Variants in GRIN2A observed in about 807,000 individuals in gnomAD.
The protein encoded by GRIN2A is glutamate receptor ionotropic, NMDA 2A.
In GRIN2A, 22 loss-of-function variants were observed where a neutral mutation model predicts 113.4. The ratio of observed to expected loss-of-function variants is 0.19; its 90% CI spans 0.14 to 0.28. The LOEUF (loss-of-function observed/expected upper bound fraction) is 0.28. Among genes scored for constraint, GRIN2A ranks in the 10% least tolerant of loss-of-function variants. GRIN2A has a pLI of 1.00. For synonymous variants in GRIN2A, 827 were observed against 738.4 expected (o/e 1.12, Z -1.94); for missense variants, 1,502 against 1,887.0 (o/e 0.80, Z 3.78).
At chr16:10,103,217 C>T (rs1202599899) in intron 2 of GRIN2A, among the ~76,000 whole-genome samples, 1 of 152,128 alleles carries the variant, frequency 6.6e-6, no homozygotes, top group Non-Finnish European at 1.5e-5. Flanking sequence ...CAAAGACATA[C>T]ATCTAGTCAT....
At chr16:9,865,717 C>CTGGCACTATGTGCCAG (rs1466312699) in intron 4 of GRIN2A, among the ~76,000 whole-genome samples, 1 of 152,202 alleles carries the variant, frequency 6.6e-6, no homozygotes, top group African/African-American at 2.4e-5. Flanking sequence ...GTGCCATAAA[C>CTGGCACTATGTGCCAG]TGTTCTCACA....
chr16:10,133,964 C>T (rs995222720), intron 2 of GRIN2A, among the ~76,000 whole-genome samples: 1 of 152,070 alleles, frequency 6.6e-6, no homozygotes, highest in Admixed American at 6.6e-5. Flanking sequence ...GGTTGGAATG[C>T]TTGAGCCCAG....
At chr16:10,049,535 G>A (rs375671833) in intron 2 of GRIN2A, among the ~76,000 whole-genome samples, 27 of 151,850 alleles carry the variant, frequency 1.8e-4, no homozygotes, top group East Asian at 9.7e-4. Flanking sequence ...CCACAACTAC[G>A]CCCACCTAAT....
chr16:9,760,528 T>C lies in GRIN2A; in HGVS notation c.*2621A>G, dbSNP rs1294353086. 3.2e-5 allele frequency: 7 copies of C among 222,214 alleles called. No individual in the cohort carries two copies. Among genetic ancestry groups the C allele is most frequent in the Non-Finnish European group, 4.5e-5 (5 of 111,262 alleles). The allele number at this position is 222,214 out of a possible 1,614,324, so 13.8% of individuals were successfully genotyped here. A position where few individuals can be genotyped will look rare whatever the true frequency, so the allele number is the denominator to read the frequency against. On this transcript the variant is annotated 3_prime_UTR_variant, in exon 13 of 13. Transcript: ENST00000330684. ...GTCAGTGAAAAGAATATATATTTTT[T>C]TCACAACATTACTGTTGATTCTTCC... is the stretch of plus-strand genomic sequence containing the variant.
At chr16:10,091,915 A>G (rs1262693759) in intron 2 of GRIN2A, among the ~76,000 whole-genome samples, 1 of 152,204 alleles carries the variant, frequency 6.6e-6, no homozygotes, top group Non-Finnish European at 1.5e-5. Context: ...GGGCTGGTGA[A>G]AATGTTCTAA....
intron 2 of GRIN2A, among the ~76,000 whole-genome samples, chr16:10,095,837 G>C (rs1476997514): frequency 6.6e-6 from 1 of 152,020 alleles, no homozygotes; most frequent in Admixed American, 6.6e-5. Context: ...AATGCACCAA[G>C]AAGGACACAA....
intron 2 of GRIN2A, among the ~76,000 whole-genome samples, chr16:10,131,030 C>T (rs550825544): frequency 1.3e-5 from 2 of 152,314 alleles, no homozygotes; most frequent in Admixed American, 1.3e-4. Flanking sequence ...TTCTGCATCT[C>T]TGCAGTCGGG....
chr16:10,065,294 G>GA (rs2047628205), intron 2 of GRIN2A, among the ~76,000 whole-genome samples: 2 of 152,166 alleles, frequency 1.3e-5, no homozygotes, highest in African/African-American at 4.8e-5. Flanking sequence ...ACTCACGTGA[G>GA]AAAAAACTTG....
chr16:9,887,924 G>A (rs900137470), intron 4 of GRIN2A, among the ~76,000 whole-genome samples: 1 of 152,116 alleles, frequency 6.6e-6, no homozygotes, highest in African/African-American at 2.4e-5. Flanking sequence ...CTCTGTGGTG[G>A]CACATGCCTG....
intron 12 of GRIN2A, 27 bp downstream of exon 12, chr16:9,768,824 A>G: frequency 6.5e-7 from 1 of 1,527,720 alleles, no homozygotes; most frequent in South Asian, 1.1e-5. Context: ...CTTGCAGTGC[A>G]AGAAAGTAGC....
At position 9,786,901 on chromosome 16, in the gene GRIN2A, T is replaced by C. The variant is rs1024290612; in HGVS notation, c.2356+11376A>G. On this transcript the variant is annotated intron_variant, in intron 11 of 12. Coordinates refer to ENST00000330684, the MANE Select transcript of GRIN2A (RefSeq NM_001134407.3). ...ACCAAACTCCGACCATTTTCTTCTCTTGCCCAAAGCCCTATCTAAGGGACC... is the reference window on the plus strand; with the variant it reads ...ACCAAACTCCGACCATTTTCTTCTCCTGCCCAAAGCCCTATCTAAGGGACC... Among the ~76,000 whole-genome samples the C allele has an allele frequency of 1.3e-5, 2 of 152,166 alleles. 1 individual carries two copies. The highest frequency in any genetic ancestry group is 2.9e-5 in the Non-Finnish European group (2 of 68,028).
chr16:10,051,116 C>T (rs961329247), intron 2 of GRIN2A, among the ~76,000 whole-genome samples: 5 of 152,146 alleles, frequency 3.3e-5, no homozygotes, highest in Non-Finnish European at 7.3e-5. Context: ...TTCCTCTTGT[C>T]CTCTGTACAA....
intron 10 of GRIN2A, among the ~76,000 whole-genome samples, chr16:9,810,679 C>T (rs575683828): frequency 2.0e-5 from 3 of 152,176 alleles, no homozygotes; most frequent in Admixed American, 6.5e-5. Context: ...TCGCTTAGAG[C>T]CTTCAGAGGG....
At chr16:9,817,221 C>T (rs1485004818) in intron 10 of GRIN2A, among the ~76,000 whole-genome samples, 1 of 152,166 alleles carries the variant, frequency 6.6e-6, no homozygotes, top group Non-Finnish European at 1.5e-5. Context: ...TAGTTCTCAG[C>T]TCTGTTGCAC....
intron 8 of GRIN2A, among the ~76,000 whole-genome samples, chr16:9,833,066 G>T (rs1183217636): frequency 1.3e-5 from 2 of 152,074 alleles, no homozygotes; most frequent in African/African-American, 4.8e-5. Flanking sequence ...GTCATTTTTT[G>T]GGAAAGAGAT....
chr16:9,867,850 C>T (rs2043187471), intron 4 of GRIN2A, among the ~76,000 whole-genome samples: 1 of 152,152 alleles, frequency 6.6e-6, no homozygotes, highest in Non-Finnish European at 1.5e-5. Context: ...TTCTGCTCCA[C>T]AGTCTCCAGT....
At chr16:10,083,899 T>A (rs184091356) in intron 2 of GRIN2A, among the ~76,000 whole-genome samples, 1 of 152,274 alleles carries the variant, frequency 6.6e-6, no homozygotes, top group Admixed American at 6.5e-5. Context: ...CTCAGGAGTT[T>A]AAGATCAGCC....
chr16:10,049,678 C>T (rs2047323852), intron 2 of GRIN2A, among the ~76,000 whole-genome samples: 1 of 152,154 alleles, frequency 6.6e-6, no homozygotes, highest in Non-Finnish European at 1.5e-5. Flanking sequence ...CGCGACCAGC[C>T]CACAACTTGC....
intron 2 of GRIN2A, among the ~76,000 whole-genome samples, chr16:10,139,500 G>C (rs545728508): frequency 2.6e-5 from 4 of 152,338 alleles, no homozygotes; most frequent in Non-Finnish European, 5.9e-5. Context: ...TGTCTGTAGG[G>C]TTTGGCCTGT....
Sources: allele counts gnomAD v4.1 joint callset (sites outside exome capture counted in the v4.1 genomes callset), GRCh38; gene constraint gnomAD v4.1.1; transcripts MANE v1.5; gene names NCBI Gene and HGNC (gene_info 2026-07-23, HGNC 2026-07-21).